The following QTMAN variants were observed in gnomAD, a reference collection of about 807,000 sequenced individuals.
The protein encoded by QTMAN is queuosine-tRNA mannosyltransferase.
At chr2:143,943,051 T>G in the QTMAN span, 1 of 152,244 alleles carries the variant, frequency 6.6e-6, no homozygotes, top group East Asian at 1.9e-4. Context: ...CGAATGCACC[T>G]TTCCCTACTT....
chr2:144,296,600 A>G, the QTMAN span, among the ~76,000 whole-genome samples: 1 of 152,230 alleles, frequency 6.6e-6, no homozygotes, highest in Non-Finnish European at 1.5e-5. Flanking sequence ...AAATTCTAAC[A>G]AAGTTAAACA....
chr2:144,246,579 C>CAAAAAAAAAA, the QTMAN span, among the ~76,000 whole-genome samples: 64 of 46,138 alleles, frequency 1.4e-3, no homozygotes, highest in Non-Finnish European at 1.8e-3. Flanking sequence ...GACTCCGTCT[C>CAAAAAAAAAA]AAAAAAAAAA....
the QTMAN span, among the ~76,000 whole-genome samples, chr2:144,281,298 C>G: frequency 6.7e-6 from 1 of 148,526 alleles, no homozygotes; most frequent in Non-Finnish European, 1.5e-5. Context: ...TTGCTACAAT[C>G]CAATAATTCT....
chr2:144,180,333 T>C, the QTMAN span, among the ~76,000 whole-genome samples: 2 of 152,302 alleles, frequency 1.3e-5, no homozygotes, highest in Middle Eastern at 3.4e-3. Context: ...GTGGTTGTAA[T>C]AGCTCGATGA....
chr2:143,952,920 C>T, the QTMAN span: 1 of 855,010 alleles, frequency 1.2e-6, no homozygotes, highest in Non-Finnish European at 2.0e-6. Context: ...GTTTTGTTTG[C>T]CTAAGTTAAC....
chr2:144,098,413 C>T, the QTMAN span, among the ~76,000 whole-genome samples: 1 of 152,130 alleles, frequency 6.6e-6, no homozygotes, highest in East Asian at 1.9e-4. Flanking sequence ...TTTAAAGTTC[C>T]TTTAACAGTA....
the QTMAN span, among the ~76,000 whole-genome samples, chr2:144,200,069 A>G: frequency 6.6e-6 from 1 of 152,162 alleles, no homozygotes. Flanking sequence ...TTAAAGATTC[A>G]TTTTTGTGGG....
At chr2:144,145,548 T>C in the QTMAN span, 3 of 1,567,568 alleles carry the variant, frequency 1.9e-6, no homozygotes, top group Non-Finnish European at 2.6e-6. Flanking sequence ...AAGGGCCAAA[T>C]ATAATGATAC....
the QTMAN span, among the ~76,000 whole-genome samples, chr2:143,979,851 C>G: frequency 0.031 from 4,742 of 152,260 alleles, 244 homozygotes; most frequent in African/African-American, 0.11. Context: ...ACATCTAGCT[C>G]TTTCTGTAAC....
the QTMAN span, among the ~76,000 whole-genome samples, chr2:144,250,136 G>GTT: frequency 7.2e-6 from 1 of 138,822 alleles, no homozygotes; most frequent in African/African-American, 3.1e-5. Flanking sequence ...TTTTTTTTTT[G>GTT]TTTGTTTTTG....
chr2:144,205,599 T>C, the QTMAN span, among the ~76,000 whole-genome samples: 1 of 152,164 alleles, frequency 6.6e-6, no homozygotes, highest in Non-Finnish European at 1.5e-5. Context: ...GAAGGGCCGT[T>C]AAGTGGGCAA....
At chr2:144,208,723 A>C in the QTMAN span, 2 of 1,613,780 alleles carry the variant, frequency 1.2e-6, no homozygotes, top group African/African-American at 2.7e-5. Flanking sequence ...TTCTTGAAGA[A>C]GATCCACCAG....
the QTMAN span, among the ~76,000 whole-genome samples, chr2:144,198,479 A>T: frequency 6.6e-6 from 1 of 152,180 alleles, no homozygotes; most frequent in Non-Finnish European, 1.5e-5. Flanking sequence ...TAATGCAACT[A>T]AGCTGGTGGA....
the QTMAN span, among the ~76,000 whole-genome samples, chr2:144,105,357 A>C: frequency 6.6e-6 from 1 of 152,216 alleles, no homozygotes. Flanking sequence ...AAAACTTGAA[A>C]AAAGATTAGA....
At chr2:144,318,111 A>G in the QTMAN span, among the ~76,000 whole-genome samples, 1 of 152,060 alleles carries the variant, frequency 6.6e-6, no homozygotes, top group Non-Finnish European at 1.5e-5. Context: ...ATAGAATGGG[A>G]TATCAATGTT....
chr2:144,200,348 T>C, the QTMAN span, among the ~76,000 whole-genome samples: 1 of 152,196 alleles, frequency 6.6e-6, no homozygotes, highest in African/African-American at 2.4e-5. Context: ...TGTTCATGGG[T>C]GGCCACTGTC....
the QTMAN span, among the ~76,000 whole-genome samples, chr2:144,301,379 C>T: frequency 2.3e-4 from 35 of 152,224 alleles, no homozygotes; most frequent in African/African-American, 7.9e-4. Context: ...CGCACCACCA[C>T]GCCCAGCTAC....
the QTMAN span, among the ~76,000 whole-genome samples, chr2:144,075,230 A>T: frequency 6.6e-6 from 1 of 152,226 alleles, no homozygotes; most frequent in African/African-American, 2.4e-5. Context: ...ACATGTGTAC[A>T]TATTAGGAGA....
At chr2:144,246,320 TC>T in the QTMAN span, among the ~76,000 whole-genome samples, 1 of 151,950 alleles carries the variant, frequency 6.6e-6, no homozygotes, top group Non-Finnish European at 1.5e-5. Flanking sequence ...ACGCCTGTAA[TC>T]CCAGCACTTT....
Sources: allele counts gnomAD v4.1 joint callset (sites outside exome capture counted in the v4.1 genomes callset), GRCh38; gene constraint gnomAD v4.1.1; transcripts MANE v1.5; gene names NCBI Gene and HGNC (gene_info 2026-07-23, HGNC 2026-07-21).